UGCG: variants seen among roughly 807,000 people sequenced by gnomAD.
The protein encoded by UGCG is ceramide glucosyltransferase.
Under a neutral mutation model 49.5 loss-of-function variants are expected in UGCG, and 10 were observed. That is an observed-to-expected ratio of 0.20 (90% CI 0.12 to 0.34). The LOEUF is 0.34. Ranked by LOEUF, UGCG falls within the 10% of genes least tolerant of loss-of-function variation. The probability of loss-of-function intolerance (pLI) is 1.00; values close to 1 mark genes in which losing one functional copy is unlikely to be tolerated. For synonymous variants in UGCG, 182 were observed against 158.2 expected (o/e 1.15, Z -1.13); for missense variants, 312 against 483.7 (o/e 0.65, Z 3.33).
chr9:111,898,590 T>G (rs550032276), intron 1 of UGCG, among the ~76,000 whole-genome samples: 8 of 152,184 alleles, frequency 5.3e-5, no homozygotes, highest in Non-Finnish European at 1.2e-4. Context: ...TTGGTGAGCT[T>G]AGTCACAGCA....
At chr9:111,899,742 T>A (rs1336176134) in intron 1 of UGCG, among the ~76,000 whole-genome samples, 1 of 152,186 alleles carries the variant, frequency 6.6e-6, no homozygotes, top group Non-Finnish European at 1.5e-5. Context: ...TTCTTAATTT[T>A]TTCACATATT....
intron 1 of UGCG, among the ~76,000 whole-genome samples, chr9:111,898,640 T>G (rs1041207950): frequency 1.3e-5 from 2 of 152,164 alleles, no homozygotes; most frequent in Admixed American, 1.3e-4. Flanking sequence ...TTCTTTTTCT[T>G]TAAAAAAATT....
intron 1 of UGCG, among the ~76,000 whole-genome samples, chr9:111,899,092 A>T (rs1007140441): frequency 2.0e-5 from 3 of 152,056 alleles, no homozygotes; most frequent in African/African-American, 7.2e-5. Flanking sequence ...CCAGGTACCA[A>T]GATTTATTTA....
At chr9:111,919,986 G>A (rs1838191384) in intron 2 of UGCG, among the ~76,000 whole-genome samples, 2 of 152,074 alleles carry the variant, frequency 1.3e-5, no homozygotes, top group African/African-American at 4.8e-5. Flanking sequence ...ATATTGTTTT[G>A]AGAGTCTGGA....
intron 1 of UGCG, among the ~76,000 whole-genome samples, chr9:111,911,482 A>G (rs1402861082): frequency 6.6e-6 from 1 of 152,186 alleles, no homozygotes; most frequent in Non-Finnish European, 1.5e-5. Context: ...CTCTGGAAGG[A>G]CAAGAAACTA....
At chr9:111,924,635 A>G in intron 3 of UGCG, 142 bp from the exon 4 acceptor site, 1 of 314,716 alleles carries the variant, frequency 3.2e-6, no homozygotes, top group Non-Finnish European at 5.6e-6. Flanking sequence ...TATTATTATG[A>G]ATAATAGAGA....
At chr9:111,925,110 C>T (rs942884015) in intron 4 of UGCG, among the ~76,000 whole-genome samples, 2 of 152,032 alleles carry the variant, frequency 1.3e-5, no homozygotes, top group African/African-American at 2.4e-5. Flanking sequence ...AAAATTTCAA[C>T]CATTAAATTA....
chr9:111,925,982 G>A (rs545295126), intron 4 of UGCG, among the ~76,000 whole-genome samples: 7 of 152,268 alleles, frequency 4.6e-5, no homozygotes, highest in Admixed American at 3.3e-4. Flanking sequence ...AGAGAAAATA[G>A]TCTCATTTCC....
At chr9:111,924,216 A>G (rs1838278343) in intron 3 of UGCG, among the ~76,000 whole-genome samples, 1 of 152,202 alleles carries the variant, frequency 6.6e-6, no homozygotes, top group South Asian at 2.1e-4. Flanking sequence ...TTTTAAATTG[A>G]CAAATAAAAT....
At chr9:111,924,039 C>CG (rs1369839279) in intron 3 of UGCG, among the ~76,000 whole-genome samples, 2 of 152,134 alleles carry the variant, frequency 1.3e-5, no homozygotes, top group East Asian at 3.8e-4. Flanking sequence ...CCACCCCCCT[C>CG]GACCTCCCAA....
At chr9:111,922,695 T>G in intron 2 of UGCG, 154 bp from the exon 3 acceptor site, 1 of 446,838 alleles carries the variant, frequency 2.2e-6, no homozygotes, top group Non-Finnish European at 3.9e-6. Flanking sequence ...ACACTTGTTA[T>G]CATAAGTGTT....
intron 3 of UGCG, among the ~76,000 whole-genome samples, chr9:111,924,017 A>T (rs1436144261): frequency 6.6e-6 from 1 of 151,946 alleles, no homozygotes; most frequent in Non-Finnish European, 1.5e-5. Context: ...CGAAGTCCTG[A>T]CCTCAGGTGA....
Position 111,897,311 on chromosome 9 carries a change from C to T in UGCG, c.96C>T (p.Tyr32=), listed in dbSNP as rs780457354. The T allele has an allele frequency of 1.3e-6, 2 of 1,554,530 alleles. No homozygotes were observed. The highest frequency in any genetic ancestry group is 2.4e-5 in the South Asian group (2 of 84,334). ...TGATGCATTTCATGGCTATCATCTACACGTGAGTGAGGGACCGCAGGAGGG... is the reference window on the plus strand; with the variant it reads ...TGATGCATTTCATGGCTATCATCTATACGTGAGTGAGGGACCGCAGGAGGG... ...LWLMHFMAII[Y]TRLHLNKKAT... is the part of the protein sequence containing the mutation. The change falls in exon 1 of 9, where the codon TAC becomes TAT. Residue 32 remains tyrosine, a splice_region_variant and synonymous_variant. Coordinates refer to ENST00000374279, the MANE Select transcript of UGCG (RefSeq NM_003358.3).
rs773901643 is a variant in UGCG, at chr9:111,910,935, C to T, written c.99-3670C>T. Among the ~76,000 whole-genome samples the T allele has an allele frequency of 4.6e-5, 7 of 152,158 alleles. No individual in the cohort carries two copies. The East Asian group carries it at 7.7e-4, about 17-fold the overall frequency. On this transcript the variant is annotated intron_variant, in intron 1 of 8. Coordinates refer to ENST00000374279, the MANE Select transcript of UGCG (RefSeq NM_003358.3). ...CATATTTTGTATTTTTTAGTAGAGA[C>T]GGAGTTTCACCATGTTGACCAGGCT...
intron 2 of UGCG, among the ~76,000 whole-genome samples, chr9:111,919,440 G>A (rs1012324967): frequency 6.6e-5 from 10 of 151,758 alleles, no homozygotes; most frequent in Non-Finnish European, 8.8e-5. Flanking sequence ...CCAAGATCAC[G>A]CCACTGCACT....
chr9:111,911,678 C>A (rs1837997142), intron 1 of UGCG, among the ~76,000 whole-genome samples: 1 of 151,234 alleles, frequency 6.6e-6, no homozygotes. Context: ...CAGGAGGATT[C>A]TTTGAGCCTA....
At chr9:111,907,936 T>C (rs1487632198) in intron 1 of UGCG, among the ~76,000 whole-genome samples, 1 of 152,192 alleles carries the variant, frequency 6.6e-6, no homozygotes, top group African/African-American at 2.4e-5. Flanking sequence ...GCCTACCTTA[T>C]TTTCTGTGTC....
chr9:111,932,261 G>T lies in UGCG; in HGVS notation c.916G>T (p.Ala306Ser). 1 of 1,614,096 alleles carries T rather than the reference G, an allele frequency of 6.2e-7. No individual in the cohort carries two copies. Among genetic ancestry groups the T allele is most frequent in the South Asian group, 1.1e-5 (1 of 91,076 alleles). ...TGTTGCCAGTTTAATTATTGGATGGGCAGCCCACCATGTGTTCAGATGGGA... is the reference window on the plus strand; with the variant it reads ...TGTTGCCAGTTTAATTATTGGATGGTCAGCCCACCATGTGTTCAGATGGGA... ...CFVASLIIGWAAHHVFRWDIM... is the reference protein window; with the variant it reads ...CFVASLIIGWSAHHVFRWDIM... The change falls in exon 8 of 9, where the codon GCA becomes TCA. Residue 306 changes from alanine (A) to serine (S), a missense_variant. By Grantham distance (99) the Ala-to-Ser change is moderately conservative. Around this residue, in one of 4 missense-constraint regions of UGCG, gnomAD observed 180 missense variants for 320.4 expected, o/e 0.56. Coordinates refer to ENST00000374279, the MANE Select transcript of UGCG (RefSeq NM_003358.3).
At chr9:111,912,435 T>C (rs186999074) in intron 1 of UGCG, among the ~76,000 whole-genome samples, 1 of 152,040 alleles carries the variant, frequency 6.6e-6, no homozygotes, top group Non-Finnish European at 1.5e-5. Context: ...AAAAGTTAGC[T>C]GGGCATGGTG....
Sources: allele counts gnomAD v4.1 joint callset (sites outside exome capture counted in the v4.1 genomes callset), GRCh38; gene constraint gnomAD v4.1.1; regional missense constraint gnomAD v4.1.1; transcripts MANE v1.5; gene names NCBI Gene and HGNC (gene_info 2026-07-23, HGNC 2026-07-21).